Variants in RBM34 observed in about 807,000 individuals in gnomAD.
RBM34 encodes RNA binding motif protein 34, also known as RNA-binding protein 34.
A neutral mutation model predicts 44.6 loss-of-function variants in RBM34; 39 were observed. That is an observed-to-expected ratio of 0.87 (90% CI 0.68 to 1.14). The LOEUF is 1.14. Among genes scored for constraint, RBM34 ranks in the 50% most tolerant of loss-of-function variants. RBM34 has a pLI of 0.00. For synonymous variants in RBM34, 194 were observed against 184.0 expected (o/e 1.05, Z -0.44); for missense variants, 572 against 517.9 (o/e 1.10, Z -1.01).
chr1:235,154,258 AGAG>A lies in RBM34; in HGVS notation c.597+620_597+622del, dbSNP rs374789442. Among the ~76,000 whole-genome samples the A allele has an allele frequency of 1.5e-3, 229 of 148,866 alleles. 1 individual carries two copies. Among genetic ancestry groups the A allele is most frequent in the African/African-American group, 5.6e-3 (223 of 39,862 alleles). On this transcript the variant is annotated intron_variant, in intron 4 of 10. Coordinates refer to ENST00000408888, the MANE Select transcript of RBM34 (RefSeq NM_015014.4). ...GAGACTCTGTCTCAAAAAAAAAAAA[AGAG>A]AGAGAGAGACAGAATGATGAAAAAA...
intron 4 of RBM34, among the ~76,000 whole-genome samples, chr1:235,153,019 G>A (rs947569044): frequency 1.3e-5 from 2 of 151,500 alleles, no homozygotes; most frequent in African/African-American, 4.9e-5. Flanking sequence ...ACAGGCGCCC[G>A]CCACCATGCT....
chr1:235,156,928 T>C (rs577476665), intron 3 of RBM34, among the ~76,000 whole-genome samples: 1 of 152,212 alleles, frequency 6.6e-6, no homozygotes, highest in South Asian at 2.1e-4. Flanking sequence ...AGGAAATCAG[T>C]GTCTGGCACA....
intron 8 of RBM34, among the ~76,000 whole-genome samples, chr1:235,137,623 G>A (rs964479709): frequency 1.3e-5 from 2 of 149,396 alleles, no homozygotes; most frequent in South Asian, 2.1e-4. Context: ...TGATCCTCCC[G>A]CCTTGGCCTC....
At chr1:235,145,646 A>T (rs1661870823) in intron 6 of RBM34, among the ~76,000 whole-genome samples, 1 of 152,182 alleles carries the variant, frequency 6.6e-6, no homozygotes. Context: ...ATAGGTTGCA[A>T]TCTCTACGAG....
intron 3 of RBM34, among the ~76,000 whole-genome samples, chr1:235,155,864 T>TATAC (rs1553275377): frequency 1.0e-3 from 83 of 81,068 alleles, no homozygotes; most frequent in African/African-American, 3.5e-3. Flanking sequence ...TATATATATA[T>TATAC]ATACATATAT....
At chr1:235,133,295 C>G (rs532116858) in intron 10 of RBM34, among the ~76,000 whole-genome samples, 1 of 152,128 alleles carries the variant, frequency 6.6e-6, no homozygotes, top group Non-Finnish European at 1.5e-5. Context: ...GAGCTGAGAT[C>G]GTGCCAAAGC....
In RBM34 at chr1:235,152,694, A is replaced by C. The variant is rs1178677724; in HGVS notation, c.657+12T>G. 6.3e-7 allele frequency: 1 copy of C among 1,597,518 alleles called. No homozygotes were observed. Among genetic ancestry groups the C allele is most frequent in the Non-Finnish European group, 8.5e-7 (1 of 1,171,582 alleles). On this transcript the variant is annotated intron_variant, in intron 5 of 10. Transcript: ENST00000408888. Reference sequence around the variant, plus strand: ...TTAATATTATGTAATTTTACGGGGGAATGAAACATACCAGAGAACGAAATC... The same window carrying C: ...TTAATATTATGTAATTTTACGGGGGCATGAAACATACCAGAGAACGAAATC...
At chr1:235,132,139 G>T in intron 10 of RBM34, 142 bp from the exon 11 acceptor site, 1 of 714,946 alleles carries the variant, frequency 1.4e-6, no homozygotes, top group Non-Finnish European at 2.2e-6. Context: ...ATCAGCTGCT[G>T]CACTCGAAGT....
intron 2 of RBM34, 27 bp downstream of exon 2, chr1:235,160,866 A>G: frequency 3.7e-6 from 6 of 1,610,876 alleles, no homozygotes; most frequent in East Asian, 2.2e-5. Flanking sequence ...CTAACGAGCT[A>G]TTCGGGAAGA....
intron 10 of RBM34, among the ~76,000 whole-genome samples, chr1:235,135,229 T>A (rs1231353907): frequency 1.8e-5 from 2 of 111,646 alleles, no homozygotes; most frequent in African/African-American, 3.9e-5. Flanking sequence ...ATTTTTTGTA[T>A]TTTTTTTTTT....
chr1:235,153,544 C>T, intron 4 of RBM34, among the ~76,000 whole-genome samples: 1 of 151,964 alleles, frequency 6.6e-6, no homozygotes, highest in East Asian at 1.9e-4. Context: ...CCTGCCTTAG[C>T]CTTCAAAGTA....
Position 235,156,547 on chromosome 1 carries a change from C to T in RBM34, c.366-1435G>A, listed in dbSNP as rs78676692. 5.2e-3 allele frequency: 2,101 copies of T among 406,416 alleles called. 35 individuals carry two copies. Among genetic ancestry groups the T allele is most frequent in the African/African-American group, 0.036 (1,705 of 47,556 alleles). The allele number at this position is 406,416 out of a possible 1,614,324, so 25.2% of individuals were successfully genotyped here. A position where few individuals can be genotyped will look rare whatever the true frequency, so the allele number is the denominator to read the frequency against. On this transcript the variant is annotated intron_variant, in intron 3 of 10. Transcript: ENST00000408888. ...CAAGCAATATGGCTGATAGGAAAAA[C>T]CAGATTCCCTACTTCTAATACTTCT...
intron 3 of RBM34, among the ~76,000 whole-genome samples, chr1:235,159,161 C>T (rs1296329375): frequency 1.3e-5 from 2 of 149,494 alleles, no homozygotes; most frequent in African/African-American, 2.5e-5. Context: ...TGCAGTGAGC[C>T]GCAATCGCAC....
intron 5 of RBM34, among the ~76,000 whole-genome samples, chr1:235,148,801 G>T (rs527586383): frequency 2.3e-4 from 35 of 151,872 alleles, no homozygotes; most frequent in East Asian, 9.8e-4. Context: ...GGTTTCATCA[G>T]GTTAGCCAGG....
At chr1:235,147,196 A>G (rs1348620617) in intron 6 of RBM34, among the ~76,000 whole-genome samples, 1 of 152,196 alleles carries the variant, frequency 6.6e-6, no homozygotes, top group Non-Finnish European at 1.5e-5. Context: ...TTGCCACTGC[A>G]CTCCAGCCTG....
chr1:235,160,416 T>C, intron 3 of RBM34, 95 bp downstream of exon 3: 2 of 1,462,556 alleles, frequency 1.4e-6, no homozygotes, highest in Non-Finnish European at 1.9e-6. Flanking sequence ...TGAAAGAAAG[T>C]AGAAATATGA....
chr1:235,131,613 G>A lies in RBM34; in HGVS notation c.*100C>T. On this transcript the variant is annotated 3_prime_UTR_variant, in exon 11 of 11. Coordinates refer to ENST00000408888, the MANE Select transcript of RBM34 (RefSeq NM_015014.4). ...TTTCACATACACCATCCATAAAGAAGTATAAAACTCAACACATGAATAGCA... is the reference window on the plus strand; with the variant it reads ...TTTCACATACACCATCCATAAAGAAATATAAAACTCAACACATGAATAGCA... The A allele has an allele frequency of 7.7e-7, 1 of 1,304,040 alleles. No homozygotes were observed. Among genetic ancestry groups the A allele is most frequent in the Non-Finnish European group, 1.1e-6 (1 of 946,068 alleles). 80.8% of individuals were successfully genotyped at this position (1,304,040 alleles called of 1,614,324 possible). A position where few individuals can be genotyped will look rare whatever the true frequency, so the allele number is the denominator to read the frequency against.
At chr1:235,138,302 CA>C in intron 6 of RBM34, 128 bp from the exon 7 acceptor site, 1 of 650,712 alleles carries the variant, frequency 1.5e-6, no homozygotes, top group Non-Finnish European at 2.6e-6. Context: ...CCTGGGTGGA[CA>C]TTTCATCTCT....
At chr1:235,137,750 G>A (rs1243755799) in intron 8 of RBM34, 127 bp downstream of exon 8, 3 of 675,094 alleles carry the variant, frequency 4.4e-6, no homozygotes, top group Middle Eastern at 4.2e-4. Flanking sequence ...AACCACAGAG[G>A]ACATAGGCTG....
Sources: allele counts gnomAD v4.1 joint callset (sites outside exome capture counted in the v4.1 genomes callset), GRCh38; gene constraint gnomAD v4.1.1; transcripts MANE v1.5; gene names NCBI Gene and HGNC (gene_info 2026-07-23, HGNC 2026-07-21).